ACSF3: variants seen among roughly 807,000 people sequenced by gnomAD.
The protein encoded by ACSF3 is acyl-CoA synthetase family member 3, also known as malonate--CoA ligase ACSF3, mitochondrial.
In ACSF3, 78 loss-of-function variants were observed where a neutral mutation model predicts 53.2. The observed-to-expected ratio is 1.47, with a 90% CI of 1.22 to 1.77. The LOEUF (loss-of-function observed/expected upper bound fraction) is 1.77. Ranked by LOEUF, ACSF3 falls within the 40% of genes most tolerant of loss-of-function variation. The pLI, the probability that ACSF3 is intolerant of heterozygous loss-of-function variation, is 0.00. For synonymous variants in ACSF3, 414 were observed against 333.1 expected, an observed-to-expected ratio of 1.24 and a Z score of -2.65; for missense variants, 937 against 771.1, an observed-to-expected ratio of 1.22 and a Z score of -2.55.
intron 4 of ACSF3, among the ~76,000 whole-genome samples, chr16:89,107,633 G>C (rs1040633744): frequency 2.0e-5 from 3 of 152,228 alleles, no homozygotes; most frequent in Admixed American, 2.0e-4. Context: ...TGAAGGACTT[G>C]AGATTGTTTT....
At position 89,125,021 on chromosome 16, in the gene ACSF3, GT is replaced by G. The variant is rs202055628; in HGVS notation, c.1239+4110del. Among the ~76,000 whole-genome samples the G allele has an allele frequency of 8.5e-3, 1,299 of 152,272 alleles. 23 individuals are homozygous for G. The highest frequency in any genetic ancestry group is 0.03 in the African/African-American group (1,259 of 41,546). On this transcript the variant is annotated intron_variant, in intron 7 of 10. Coordinates refer to ENST00000614302, the MANE Select transcript of ACSF3 (RefSeq NM_001243279.3). ...TTCACCAGCTTTATTCTTTCTCAGA[GT>G]TGTTTTGGTGCACATATTAATTTTA...
chr16:89,101,416 A>C (rs1975326407), intron 3 of ACSF3, 69 bp downstream of exon 3: 2 of 1,546,952 alleles, frequency 1.3e-6, no homozygotes, highest in Admixed American at 2.0e-5. Context: ...CCGGGCCAGA[A>C]GCACATCTTT....
intron 10 of ACSF3, among the ~76,000 whole-genome samples, chr16:89,146,369 C>T (rs1912959941): frequency 6.6e-6 from 1 of 152,130 alleles, no homozygotes; most frequent in South Asian, 2.1e-4. Context: ...CCAGGCCAGG[C>T]CCATGCAGGA....
rs138593842 is a variant in ACSF3, at chr16:89,137,185, G to A, written c.1366+3923G>A. 3.5e-3 allele frequency among the ~76,000 whole-genome samples: 538 copies of A among 152,342 alleles called. 6 individuals are homozygous for A. Among genetic ancestry groups the A allele is most frequent in the South Asian group, 0.029 (140 of 4,822 alleles). On this transcript the variant is annotated intron_variant, in intron 8 of 10. Coordinates refer to ENST00000614302, the MANE Select transcript of ACSF3 (RefSeq NM_001243279.3). Reference sequence around the variant, plus strand: ...GTGAATGGCGTCTTAGGCTCCAGCCGGGTGAGGAAACCTGATAACCGAACT... The same window carrying A: ...GTGAATGGCGTCTTAGGCTCCAGCCAGGTGAGGAAACCTGATAACCGAACT...
At chr16:89,129,902 T>C (rs1290942979) in intron 7 of ACSF3, among the ~76,000 whole-genome samples, 1 of 152,254 alleles carries the variant, frequency 6.6e-6, no homozygotes, top group African/African-American at 2.4e-5. Flanking sequence ...CATCGGTTAC[T>C]TACCCTCTGC....
intron 8 of ACSF3, chr16:89,141,137 G>A (rs529077382): frequency 7.8e-6 from 10 of 1,287,222 alleles, no homozygotes; most frequent in South Asian, 2.5e-5. Flanking sequence ...CTCCTCCCGC[G>A]GGGTGTCCGA....
chr16:89,100,554 G>A (rs1485071620), intron 2 of ACSF3, 108 bp from the exon 3 acceptor site: 16 of 1,106,530 alleles, frequency 1.4e-5, no homozygotes, highest in Non-Finnish European at 2.6e-6. Flanking sequence ...GACTGAAGGT[G>A]CAGCAGGCGT....
At position 89,133,216 on chromosome 16, in the gene ACSF3, A is replaced by G. The variant is rs998246075; in HGVS notation, c.1320A>G (p.Pro440=). ...TGTTTCGAGAATACTGGAATAAACC[A>G]GAAGAAACTAAGAGTGCATTCACCC... ...PSVFREYWNK[P]EETKSAFTLD... The change falls in exon 8 of 11, where the codon CCA becomes CCG. Residue 440 remains proline, a synonymous_variant. Transcript: ENST00000614302. The G allele has an allele frequency of 1.9e-6, 3 of 1,614,174 alleles. No homozygotes were observed. Among genetic ancestry groups the G allele is most frequent in the African/African-American group, 1.3e-5 (1 of 75,056 alleles).
intron 4 of ACSF3, among the ~76,000 whole-genome samples, chr16:89,105,607 G>T (rs1975876313): frequency 1.3e-5 from 2 of 152,178 alleles, no homozygotes; most frequent in South Asian, 4.1e-4. Context: ...GCCTGTGACT[G>T]GGCCCCCTCA....
intron 8 of ACSF3, among the ~76,000 whole-genome samples, chr16:89,137,400 G>A (rs1438955824): frequency 9.7e-5 from 14 of 143,680 alleles, no homozygotes; most frequent in African/African-American, 1.6e-4. Context: ...CCCAGGTCCC[G>A]GGAGGACCAC....
chr16:89,102,563 A>T (rs150897718), intron 3 of ACSF3, 41 bp from the exon 4 acceptor site: 2 of 1,611,106 alleles, frequency 1.2e-6, no homozygotes, highest in East Asian at 4.5e-5. Context: ...TGCGGGCCAC[A>T]GTCTTGCTCT....
chr16:89,139,883 G>T (rs979911776), intron 8 of ACSF3, among the ~76,000 whole-genome samples: 1 of 152,042 alleles, frequency 6.6e-6, no homozygotes, highest in Non-Finnish European at 1.5e-5. Context: ...ATGAGCCACC[G>T]CACCCAACCA....
chr16:89,101,309 A>G lies in ACSF3; in HGVS notation c.628A>G (p.Lys210Glu), dbSNP rs538548478. The change falls in exon 3 of 11, where the codon AAG becomes GAG. Residue 210 changes from lysine to glutamate, a missense_variant. Transcript: ENST00000614302. ...IYTSGTTGRP[K>E]GVLSTHQNIR... ...CACCAGTGGGACCACGGGGAGGCCC[A>G]AGGGCGTGCTGAGCACGCACCAAAA... 7 of 1,600,408 alleles carry G rather than the reference A, an allele frequency of 4.4e-6. No individual in the cohort carries two copies.
chr16:89,110,022 C>T (rs1042517635), intron 4 of ACSF3, among the ~76,000 whole-genome samples: 2 of 152,330 alleles, frequency 1.3e-5, no homozygotes, highest in Non-Finnish European at 2.9e-5. Context: ...GGATACGAGT[C>T]TCTTTTCAGA....
intron 7 of ACSF3, among the ~76,000 whole-genome samples, chr16:89,124,789 T>C (rs1598006813): frequency 6.8e-5 from 1 of 14,800 alleles, no homozygotes; most frequent in South Asian, 1.2e-3. Flanking sequence ...GCACACTGCA[T>C]GTGTGTGTGA....
At chr16:89,108,147 C>G (rs1316776382) in intron 4 of ACSF3, among the ~76,000 whole-genome samples, 1 of 152,184 alleles carries the variant, frequency 6.6e-6, no homozygotes, top group Non-Finnish European at 1.5e-5. Context: ...TCAATTACCT[C>G]CCCCTGGGCA....
intron 4 of ACSF3, among the ~76,000 whole-genome samples, chr16:89,103,119 C>T (rs1294191080): frequency 6.6e-6 from 1 of 152,240 alleles, no homozygotes; most frequent in Non-Finnish European, 1.5e-5. Context: ...TCTCTCTCTT[C>T]AAAATACCTT....
Position 89,154,124 on chromosome 16 carries a change from C to T in ACSF3, c.1648C>T (p.Leu550=), listed in dbSNP as rs1000013349. The T allele has an allele frequency of 1.2e-6, 2 of 1,613,398 alleles. No individual in the cohort carries two copies. Among genetic ancestry groups the T allele is most frequent in the Non-Finnish European group, 8.5e-7 (1 of 1,179,766 alleles). The change falls in exon 11 of 11, where the codon CTG becomes TTG. Residue 550 remains leucine, a synonymous_variant. Coordinates refer to ENST00000614302, the MANE Select transcript of ACSF3 (RefSeq NM_001243279.3). ...VLAPYAVPSE[L]VLVEEIPRNQ... is the part of the protein sequence containing the mutation. ...GGCCCCGTACGCGGTGCCCTCGGAG[C>T]TGGTGCTGGTGGAGGAGATCCCGCG...
rs985174563 is a variant in ACSF3 at position 89,093,867 on chromosome 16, T to C, written c.-323T>C. 3.5e-6 allele frequency: 1 copy of C among 285,896 alleles called. No homozygotes were observed. The highest frequency in any genetic ancestry group is 7.4e-6 in the Non-Finnish European group (1 of 135,140). 17.7% of individuals were successfully genotyped at this position (285,896 alleles called of 1,614,324 possible). On this transcript the variant is annotated 5_prime_UTR_variant, in exon 1 of 11. Transcript: ENST00000614302. ...CGGGGAAGCTGTTGGGCGCCGGAAC[T>C]GGTCCGGCCCGACTCACGACCCCGC...
Sources: allele counts gnomAD v4.1 joint callset (sites outside exome capture counted in the v4.1 genomes callset), GRCh38; gene constraint gnomAD v4.1.1; transcripts MANE v1.5; gene names NCBI Gene and HGNC (gene_info 2026-07-23, HGNC 2026-07-21).